FRMD5: variants seen among roughly 807,000 people sequenced by gnomAD.
FRMD5 encodes the protein FERM domain-containing protein 5.
FRMD5 carries 20 observed loss-of-function variants against 69.0 expected under a neutral mutation model. The ratio of observed to expected loss-of-function variants is 0.29; its 90% CI spans 0.20 to 0.42. The LOEUF (loss-of-function observed/expected upper bound fraction) is 0.42, where lower values mean the gene tolerates loss of function less well. FRMD5 is among the 10% of genes least tolerant of loss of function. The pLI is 1.00. For missense variants in FRMD5, 595 were observed against 708.6 expected, an observed-to-expected ratio of 0.84 and a Z score of 1.82; for synonymous variants, 271 against 260.1, an observed-to-expected ratio of 1.04 and a Z score of -0.40.
chr15:44,091,972 A>G (rs568024351), intron 1 of FRMD5, among the ~76,000 whole-genome samples: 2 of 152,310 alleles, frequency 1.3e-5, no homozygotes, highest in East Asian at 3.9e-4. Flanking sequence ...AGAGCACCTC[A>G]CTGTATGACG....
At chr15:44,003,256 C>T (rs542916991) in intron 1 of FRMD5, among the ~76,000 whole-genome samples, 2 of 152,298 alleles carry the variant, frequency 1.3e-5, no homozygotes, top group African/African-American at 4.8e-5. Flanking sequence ...CACCCTGGTC[C>T]AAGCCACCAC....
intron 1 of FRMD5, among the ~76,000 whole-genome samples, chr15:44,079,417 G>T (rs1216287352): frequency 6.6e-6 from 1 of 152,114 alleles, no homozygotes; most frequent in Non-Finnish European, 1.5e-5. Context: ...CAATTGAGCT[G>T]GGTGCTGGTC....
chr15:44,124,349 T>A (rs897047693), intron 1 of FRMD5, among the ~76,000 whole-genome samples: 3 of 150,886 alleles, frequency 2.0e-5, no homozygotes, highest in Admixed American at 6.6e-5. Context: ...ATATTCAGTA[T>A]CCTCAAAATA....
At chr15:43,944,495 C>A (rs1186332692) in intron 1 of FRMD5, among the ~76,000 whole-genome samples, 1 of 152,130 alleles carries the variant, frequency 6.6e-6, no homozygotes, top group Admixed American at 6.5e-5. Context: ...AATCTCTGCT[C>A]ACTGCAACCT....
At chr15:44,142,025 T>C (rs573717449) in intron 1 of FRMD5, among the ~76,000 whole-genome samples, 1 of 152,286 alleles carries the variant, frequency 6.6e-6, no homozygotes, top group East Asian at 1.9e-4. Flanking sequence ...ATAATCTCTT[T>C]ATGTCATCAG....
intron 1 of FRMD5, among the ~76,000 whole-genome samples, chr15:44,004,017 T>G (rs988335380): frequency 6.6e-6 from 1 of 152,200 alleles, no homozygotes; most frequent in Non-Finnish European, 1.5e-5. Context: ...GAACCCAGCA[T>G]TATGAATTGT....
At chr15:43,927,471 G>A (rs966978245) in intron 1 of FRMD5, among the ~76,000 whole-genome samples, 15 of 152,214 alleles carry the variant, frequency 9.9e-5, no homozygotes, top group African/African-American at 3.4e-4. Context: ...AAAGGACTCC[G>A]TCAGAACTTT....
At chr15:44,010,095 G>A (rs1022579115) in intron 1 of FRMD5, among the ~76,000 whole-genome samples, 6 of 152,142 alleles carry the variant, frequency 3.9e-5, no homozygotes, top group African/African-American at 1.2e-4. Flanking sequence ...ATTTATAAGG[G>A]AATTATCCAC....
intron 1 of FRMD5, among the ~76,000 whole-genome samples, chr15:44,119,736 T>G (rs1346560846): frequency 2.0e-5 from 3 of 151,794 alleles, no homozygotes; most frequent in Admixed American, 6.6e-5. Context: ...CTTCTTTTTT[T>G]TTTTTTTTTT....
At chr15:43,887,770 C>T (rs1020561698) in intron 10 of FRMD5, among the ~76,000 whole-genome samples, 2 of 152,198 alleles carry the variant, frequency 1.3e-5, no homozygotes, top group African/African-American at 4.8e-5. Flanking sequence ...GCAGGGCTCA[C>T]CCCAGGTAGA....
chr15:44,012,761 G>GTTTTT (rs35690752), intron 1 of FRMD5, among the ~76,000 whole-genome samples: 8 of 120,832 alleles, frequency 6.6e-5, no homozygotes, highest in Admixed American at 1.7e-4. Flanking sequence ...AAGTTATTGG[G>GTTTTT]TTTTTTTTTT....
At position 44,038,520 on chromosome 15, in the gene FRMD5, C is replaced by CTTTTTTTTTTTTT. The variant is rs71111834; in HGVS notation, c.103-114224_103-114212dup. Among the ~76,000 whole-genome samples, 261 of 63,178 alleles carry CTTTTTTTTTTTTT rather than the reference C, an allele frequency of 4.1e-3. 55 individuals are homozygous for CTTTTTTTTTTTTT. The highest frequency in any genetic ancestry group is 5.3e-3 in the African/African-American group (93 of 17,676). The allele number at this position is 63,178 out of a possible 152,430, so 41.4% of individuals were successfully genotyped here. ...GCTTTCTGCATATGGCTAGCCAGAG[C>CTTTTTTTTTTTTT]TTTTTTTTTTTTTTTTTTTTATAAC... On this transcript the variant is annotated intron_variant, in intron 1 of 13. Transcript: ENST00000417257.
Position 44,124,214 on chromosome 15 carries a change from A to T in FRMD5, c.102+70739T>A, listed in dbSNP as rs375932423. 5.3e-5 allele frequency among the ~76,000 whole-genome samples: 8 copies of T among 151,866 alleles called. No homozygotes were observed. The East Asian group carries it at 1.6e-3, about 30-fold the overall frequency. On this transcript the variant is annotated intron_variant, in intron 1 of 13. Coordinates refer to ENST00000417257, the MANE Select transcript of FRMD5 (RefSeq NM_032892.5). Reference sequence around the variant, plus strand: ...CACCATGTTGGCCAGGCTGGTCCCGAACTCCTGACCTCAGGTGATCTGCCC... The same window carrying T: ...CACCATGTTGGCCAGGCTGGTCCCGTACTCCTGACCTCAGGTGATCTGCCC...
chr15:44,114,892 C>G (rs1392775184), intron 1 of FRMD5, among the ~76,000 whole-genome samples: 1 of 152,126 alleles, frequency 6.6e-6, no homozygotes, highest in Non-Finnish European at 1.5e-5. Context: ...TACTAGCTAA[C>G]AAGGGCAGCC....
At chr15:43,947,958 G>C (rs966088175) in intron 1 of FRMD5, among the ~76,000 whole-genome samples, 4 of 131,156 alleles carry the variant, frequency 3.0e-5, no homozygotes, top group African/African-American at 1.1e-4. Context: ...TCCTGAATAA[G>C]AGGGGTAGGG....
chr15:44,147,605 G>T (rs2077376755), intron 1 of FRMD5, among the ~76,000 whole-genome samples: 3 of 152,118 alleles, frequency 2.0e-5, no homozygotes, highest in Non-Finnish European at 4.4e-5. Flanking sequence ...CTTTGAACAT[G>T]ACTTAGAAAA....
chr15:44,071,503 C>G (rs1216034735), intron 1 of FRMD5, among the ~76,000 whole-genome samples: 2 of 152,156 alleles, frequency 1.3e-5, no homozygotes, highest in African/African-American at 4.8e-5. Context: ...CTATAAAACT[C>G]TCTCCTCCCT....
At chr15:44,057,777 G>C (rs1050237613) in intron 1 of FRMD5, among the ~76,000 whole-genome samples, 4 of 152,184 alleles carry the variant, frequency 2.6e-5, no homozygotes, top group Non-Finnish European at 4.4e-5. Flanking sequence ...CTTGAACAAT[G>C]AACATTCTGA....
chr15:44,179,048 C>T (rs960452426), intron 1 of FRMD5, among the ~76,000 whole-genome samples: 1 of 151,724 alleles, frequency 6.6e-6, no homozygotes, highest in African/African-American at 2.4e-5. Flanking sequence ...TCAAAGTAAA[C>T]AGTATCATGT....
Sources: allele counts gnomAD v4.1 joint callset (sites outside exome capture counted in the v4.1 genomes callset), GRCh38; gene constraint gnomAD v4.1.1; transcripts MANE v1.5; gene names NCBI Gene and HGNC (gene_info 2026-07-23, HGNC 2026-07-21).